The following MYO3B variants were observed in gnomAD, a reference collection of about 807,000 sequenced individuals.
MYO3B encodes myosin-IIIb.
Under a neutral mutation model 174.6 loss-of-function variants are expected in MYO3B, and 156 were observed. The observed-to-expected ratio is 0.89, with a 90% CI of 0.78 to 1.02. The LOEUF (loss-of-function observed/expected upper bound fraction) is 1.02. MYO3B is among the 50% of genes least tolerant of loss of function. The pLI is 0.00. For synonymous variants in MYO3B, 563 were observed against 569.1 expected, an observed-to-expected ratio of 0.99 and a Z score of 0.15; for missense variants, 1,632 against 1,639.4, an observed-to-expected ratio of 1.00 and a Z score of 0.08.
At chr2:170,501,276 C>T (rs982489969) in intron 27 of MYO3B, among the ~76,000 whole-genome samples, 1 of 152,180 alleles carries the variant, frequency 6.6e-6, no homozygotes, top group Non-Finnish European at 1.5e-5. Flanking sequence ...AGAATTCACT[C>T]ACAGCAAATG....
chr2:170,647,473 G>C (rs746128179), intron 32 of MYO3B, among the ~76,000 whole-genome samples: 5 of 152,122 alleles, frequency 3.3e-5, no homozygotes, highest in Non-Finnish European at 2.9e-5. Context: ...TTATTCGGTT[G>C]CTTACAATGG....
chr2:170,342,262 G>C (rs1032940531), intron 8 of MYO3B: 2 of 152,086 alleles, frequency 1.3e-5, no homozygotes, highest in African/African-American at 4.8e-5. Context: ...AGTTATGTCT[G>C]TACCATTTTC....
chr2:170,460,487 CAAAAAAA>C, intron 23 of MYO3B, among the ~76,000 whole-genome samples: 1 of 73,704 alleles, frequency 1.4e-5, no homozygotes, highest in African/African-American at 5.8e-5. Context: ...GACTCCGTCT[CAAAAAAA>C]AAAAAAAAAA....
intron 8 of MYO3B, among the ~76,000 whole-genome samples, chr2:170,365,486 G>A (rs1018244646): frequency 6.6e-6 from 1 of 152,094 alleles, no homozygotes. Flanking sequence ...AGTAATAAAT[G>A]TTTGCTGAGT....
intron 7 of MYO3B, among the ~76,000 whole-genome samples, chr2:170,244,313 C>G (rs576723293): frequency 6.6e-6 from 1 of 152,138 alleles, no homozygotes; most frequent in Non-Finnish European, 1.5e-5. Context: ...AATTGAGTCC[C>G]ATTTTGCTAT....
At chr2:170,574,736 A>G (rs1454743718) in intron 32 of MYO3B, among the ~76,000 whole-genome samples, 2 of 152,340 alleles carry the variant, frequency 1.3e-5, no homozygotes, top group African/African-American at 2.4e-5. Context: ...AATTATGAGC[A>G]CAGTGATTGT....
At chr2:170,360,744 A>G (rs2094154509) in intron 8 of MYO3B, among the ~76,000 whole-genome samples, 1 of 152,188 alleles carries the variant, frequency 6.6e-6, no homozygotes, top group Non-Finnish European at 1.5e-5. Context: ...TAAGTACTGG[A>G]TAAACAGGCT....
chr2:170,273,125 A>C (rs1360182775), intron 7 of MYO3B, among the ~76,000 whole-genome samples: 1 of 152,142 alleles, frequency 6.6e-6, no homozygotes, highest in South Asian at 2.1e-4. Context: ...GTGGATCTCC[A>C]GGAAGAATCC....
Position 170,545,281 on chromosome 2 carries a change from G to A in MYO3B, c.3733+1293G>A, listed in dbSNP as rs190419515. ...TCTCCTGTGTTAATCAAGTTACATA[G>A]CAACTCCTTACCTTAGTACCTACAC... On this transcript the variant is annotated intron_variant, in intron 32 of 34. Coordinates refer to ENST00000408978, the MANE Select transcript of MYO3B (RefSeq NM_138995.5). Among the ~76,000 whole-genome samples, 191 of 152,286 alleles carry A rather than the reference G, an allele frequency of 1.3e-3. 2 individuals are homozygous for A. Among genetic ancestry groups the A allele is most frequent in the Admixed American group, 0.01 (160 of 15,302 alleles).
chr2:170,373,509 G>A (rs1462377459), intron 9 of MYO3B, among the ~76,000 whole-genome samples: 1 of 152,204 alleles, frequency 6.6e-6, no homozygotes, highest in Non-Finnish European at 1.5e-5. Flanking sequence ...GGAACGTTCA[G>A]TCCACTTTAG....
intron 25 of MYO3B, among the ~76,000 whole-genome samples, chr2:170,490,216 G>T (rs532989117): frequency 6.6e-6 from 1 of 152,100 alleles, no homozygotes; most frequent in African/African-American, 2.4e-5. Context: ...TTTTAGTAGA[G>T]ATGGGGTTTC....
intron 30 of MYO3B, among the ~76,000 whole-genome samples, chr2:170,534,348 A>G (rs1429122549): frequency 6.6e-6 from 1 of 152,194 alleles, no homozygotes; most frequent in Non-Finnish European, 1.5e-5. Flanking sequence ...TTATTGTGAT[A>G]TTTGCTTTAT....
chr2:170,500,219 G>A (rs963231308), intron 27 of MYO3B, among the ~76,000 whole-genome samples: 2 of 152,230 alleles, frequency 1.3e-5, no homozygotes, highest in African/African-American at 4.8e-5. Context: ...TCAAAGGCCA[G>A]ATGGTTGAAG....
chr2:170,186,695 T>C (rs947580681), intron 1 of MYO3B, among the ~76,000 whole-genome samples: 1 of 152,200 alleles, frequency 6.6e-6, no homozygotes, highest in African/African-American at 2.4e-5. Context: ...TGAGTAGGAT[T>C]GGCATTAGTT....
At chr2:170,445,340 A>AC (rs553754078) in intron 23 of MYO3B, among the ~76,000 whole-genome samples, 2 of 146,756 alleles carry the variant, frequency 1.4e-5, no homozygotes, top group African/African-American at 5.0e-5. Context: ...GCGGGGATAC[A>AC]TTTTTTTTTT....
At chr2:170,183,231 T>C (rs1377112442) in intron 1 of MYO3B, among the ~76,000 whole-genome samples, 1 of 152,056 alleles carries the variant, frequency 6.6e-6, no homozygotes, top group East Asian at 1.9e-4. Flanking sequence ...CACTCCAGCC[T>C]GGGCCACAGA....
intron 1 of MYO3B, among the ~76,000 whole-genome samples, chr2:170,179,555 A>T (rs186398130): frequency 4.6e-5 from 7 of 152,272 alleles, no homozygotes; most frequent in Admixed American, 2.0e-4. Context: ...GTAAAAGGAT[A>T]GGTTCAGTCT....
intron 9 of MYO3B, among the ~76,000 whole-genome samples, chr2:170,379,026 G>T (rs1475246468): frequency 6.6e-6 from 1 of 152,162 alleles, no homozygotes; most frequent in East Asian, 1.9e-4. Context: ...GGAGTGGAGA[G>T]GGCTTACTCC....
chr2:170,646,948 C>A (rs1226071799), intron 32 of MYO3B: 3 of 1,341,604 alleles, frequency 2.2e-6, no homozygotes, highest in Non-Finnish European at 3.0e-6. Context: ...GGGTATATAT[C>A]TTTCAATTGT....
Sources: gnomAD v4.1 joint callset for allele counts (sites outside exome capture counted in the v4.1 genomes callset) on GRCh38, gnomAD v4.1.1 for gene constraint, MANE v1.5 for transcripts, NCBI Gene and HGNC (gene_info 2026-07-23, HGNC 2026-07-21) for gene names.